Variants in QTMAN observed in about 807,000 individuals in gnomAD.
QTMAN encodes the protein queuosine-tRNA mannosyltransferase.
the QTMAN span, among the ~76,000 whole-genome samples, chr2:144,094,616 C>A: frequency 6.6e-6 from 1 of 152,132 alleles, no homozygotes; most frequent in African/African-American, 2.4e-5. Flanking sequence ...GAAACTCACT[C>A]ATTATCACAA....
At chr2:144,198,222 A>C in the QTMAN span, among the ~76,000 whole-genome samples, 1 of 152,178 alleles carries the variant, frequency 6.6e-6, no homozygotes, top group Non-Finnish European at 1.5e-5. Flanking sequence ...TGTTTAAAAA[A>C]AAAAAACAAA....
the QTMAN span, among the ~76,000 whole-genome samples, chr2:144,231,202 T>C: frequency 6.6e-6 from 1 of 152,182 alleles, no homozygotes; most frequent in Non-Finnish European, 1.5e-5. Flanking sequence ...AGATTACTCA[T>C]TTTGACCACA....
the QTMAN span, among the ~76,000 whole-genome samples, chr2:144,050,757 G>C: frequency 6.6e-6 from 1 of 151,672 alleles, no homozygotes; most frequent in Non-Finnish European, 1.5e-5. Flanking sequence ...TGTTGGTGAA[G>C]TTGGTTTATT....
chr2:144,019,063 A>T, the QTMAN span, among the ~76,000 whole-genome samples: 3 of 152,264 alleles, frequency 2.0e-5, no homozygotes, highest in East Asian at 5.8e-4. Flanking sequence ...GCAGAGATAG[A>T]TGGGAAGGTG....
the QTMAN span, among the ~76,000 whole-genome samples, chr2:144,083,402 G>A: frequency 4.6e-5 from 7 of 152,120 alleles, no homozygotes; most frequent in Non-Finnish European, 1.0e-4. Flanking sequence ...ACCAGCTGAG[G>A]AGCACTGAGT....
At chr2:144,285,689 T>C in the QTMAN span, among the ~76,000 whole-genome samples, 116 of 152,344 alleles carry the variant, frequency 7.6e-4, no homozygotes, top group East Asian at 0.018. Flanking sequence ...GAAAATGTAA[T>C]TGAAGGAGCT....
the QTMAN span, among the ~76,000 whole-genome samples, chr2:144,020,802 A>G: frequency 7.9e-5 from 12 of 152,352 alleles, no homozygotes; most frequent in South Asian, 8.3e-4. Flanking sequence ...AAAACCTATA[A>G]GAAATATTCA....
At chr2:144,112,280 C>G in the QTMAN span, among the ~76,000 whole-genome samples, 2 of 152,128 alleles carry the variant, frequency 1.3e-5, no homozygotes, top group African/African-American at 4.8e-5. Context: ...TCTCTTTCTC[C>G]CACTAAGTAA....
At chr2:144,101,493 T>C in the QTMAN span, among the ~76,000 whole-genome samples, 2 of 152,156 alleles carry the variant, frequency 1.3e-5, no homozygotes, top group African/African-American at 2.4e-5. Flanking sequence ...ACGCTTCTCA[T>C]GTTCATGTTA....
At chr2:144,150,068 A>C in the QTMAN span, among the ~76,000 whole-genome samples, 1 of 152,100 alleles carries the variant, frequency 6.6e-6, no homozygotes, top group Admixed American at 6.6e-5. Flanking sequence ...GCCCCATGAA[A>C]TCTTTTCAGT....
chr2:144,264,580 T>C, the QTMAN span, among the ~76,000 whole-genome samples: 3 of 152,198 alleles, frequency 2.0e-5, no homozygotes, highest in Admixed American at 2.0e-4. Flanking sequence ...ACAGAATATT[T>C]AAACATATCT....
chr2:144,038,068 C>T, the QTMAN span, among the ~76,000 whole-genome samples: 2 of 152,294 alleles, frequency 1.3e-5, no homozygotes, highest in South Asian at 2.1e-4. Flanking sequence ...ATAGTGCTTG[C>T]AATTTAATGA....
the QTMAN span, among the ~76,000 whole-genome samples, chr2:144,086,357 G>C: frequency 6.6e-6 from 1 of 152,166 alleles, no homozygotes. Context: ...GTGTTACTCA[G>C]GCTGGTCTCG....
the QTMAN span, among the ~76,000 whole-genome samples, chr2:144,222,328 G>T: frequency 2.4e-4 from 36 of 151,698 alleles, no homozygotes; most frequent in Non-Finnish European, 4.4e-4. Flanking sequence ...CAAAGTGCTG[G>T]GATTACAGGC....
the QTMAN span, among the ~76,000 whole-genome samples, chr2:144,209,295 G>C: frequency 2.0e-5 from 3 of 152,318 alleles, no homozygotes; most frequent in African/African-American, 7.2e-5. Context: ...TGTAACTCTT[G>C]TATTACTCCA....
chr2:144,113,265 A>G, the QTMAN span, among the ~76,000 whole-genome samples: 2 of 152,164 alleles, frequency 1.3e-5, no homozygotes, highest in African/African-American at 4.8e-5. Flanking sequence ...ATAAGAAAGG[A>G]TAAGTAAAGA....
At chr2:144,005,410 C>G in the QTMAN span, among the ~76,000 whole-genome samples, 1 of 152,048 alleles carries the variant, frequency 6.6e-6, no homozygotes, top group Non-Finnish European at 1.5e-5. Context: ...ATAACCCAAA[C>G]AAAATTAGTT....
the QTMAN span, among the ~76,000 whole-genome samples, chr2:143,952,531 G>A: frequency 6.6e-6 from 1 of 151,048 alleles, no homozygotes; most frequent in African/African-American, 2.4e-5. Flanking sequence ...ATCATTATGG[G>A]ATGTGTATGC....
the QTMAN span, among the ~76,000 whole-genome samples, chr2:144,303,917 C>T: frequency 3.5e-3 from 526 of 152,256 alleles, 2 homozygotes; most frequent in African/African-American, 0.012. Context: ...AGCTGAATCG[C>T]GGGAACAGAT....
Sources: gnomAD v4.1 joint callset for allele counts (sites outside exome capture counted in the v4.1 genomes callset) on GRCh38, gnomAD v4.1.1 for gene constraint, MANE v1.5 for transcripts, NCBI Gene and HGNC (gene_info 2026-07-23, HGNC 2026-07-21) for gene names.